Variants in CACNA1E observed in about 807,000 individuals in gnomAD.
CACNA1E encodes the protein calcium voltage-gated channel subunit alpha1 E, also known as voltage-dependent R-type calcium channel subunit alpha-1E.
A neutral mutation model predicts 259.2 loss-of-function variants in CACNA1E; 40 were observed. That is an observed-to-expected ratio of 0.15 (90% CI 0.12 to 0.20). CACNA1E has a LOEUF of 0.20. Among genes scored for constraint, CACNA1E ranks in the 10% least tolerant of loss-of-function variants. The probability of loss-of-function intolerance (pLI) is 1.00; values close to 1 mark genes in which losing one functional copy is unlikely to be tolerated. For missense variants in CACNA1E, 1,874 were observed against 3,040.1 expected, an observed-to-expected ratio of 0.62 and a Z score of 9.02; for synonymous variants, 1,104 against 1,138.5, an observed-to-expected ratio of 0.97 and a Z score of 0.61.
rs188054124 is a variant in CACNA1E, at chr1:181,600,651, G to C, written c.951+19875G>C. 1.6e-4 allele frequency among the ~76,000 whole-genome samples: 24 copies of C among 152,288 alleles called. No homozygotes were observed. In the East Asian group the frequency reaches 4.3e-3, roughly 27 times the overall value. On this transcript the variant is annotated intron_variant, in intron 6 of 47. Coordinates refer to ENST00000367573, the MANE Select transcript of CACNA1E (RefSeq NM_001205293.3). Reference sequence around the variant, plus strand: ...AATAGCGGTGCCATCTACCAAGATAGGGGAGCCGAGAGAAGGGGCAGGATG... The same window carrying C: ...AATAGCGGTGCCATCTACCAAGATACGGGAGCCGAGAGAAGGGGCAGGATG...
At chr1:181,718,251 A>C in intron 12 of CACNA1E, 84 bp downstream of exon 12, 2 of 674,616 alleles carry the variant, frequency 3.0e-6, no homozygotes, top group Admixed American at 2.4e-5. Flanking sequence ...CTTACTCAGC[A>C]TGAGGCACTG....
At chr1:181,580,472 C>T in intron 5 of CACNA1E, 123 bp from the exon 6 acceptor site, 1 of 890,668 alleles carries the variant, frequency 1.1e-6, no homozygotes, top group South Asian at 1.5e-5. Flanking sequence ...GAGCCTGAGA[C>T]AAAAAAGGGC....
chr1:181,358,029 G>C (rs1246295903), intron 1 of CACNA1E, among the ~76,000 whole-genome samples: 1 of 152,174 alleles, frequency 6.6e-6, no homozygotes, highest in South Asian at 2.1e-4. Context: ...TGGGAGGTTT[G>C]GTCCTCTTCT....
chr1:181,466,346 C>T (rs1662155121), intron 2 of CACNA1E, among the ~76,000 whole-genome samples: 1 of 151,312 alleles, frequency 6.6e-6, no homozygotes, highest in African/African-American at 2.4e-5. Context: ...AGTTTGAGAA[C>T]AGCCTGGCCA....
chr1:181,775,349 C>G (rs980839465), intron 37 of CACNA1E, among the ~76,000 whole-genome samples: 2 of 152,202 alleles, frequency 1.3e-5, no homozygotes, highest in African/African-American at 4.8e-5. Context: ...TGTTGAACAT[C>G]AAGTCCTGTC....
intron 3 of CACNA1E, among the ~76,000 whole-genome samples, chr1:181,530,084 G>A (rs912915012): frequency 1.3e-5 from 2 of 152,190 alleles, no homozygotes; most frequent in East Asian, 3.9e-4. Context: ...GGGACCCAGG[G>A]GGAGGTAACT....
chr1:181,730,282 G>T (rs1347248977), intron 18 of CACNA1E, among the ~76,000 whole-genome samples: 1 of 152,224 alleles, frequency 6.6e-6, no homozygotes, highest in Non-Finnish European at 1.5e-5. Context: ...GGCCCACTGG[G>T]CTGGACTGAG....
At chr1:181,713,767 A>G (rs1470036477) in intron 8 of CACNA1E, among the ~76,000 whole-genome samples, 1 of 152,164 alleles carries the variant, frequency 6.6e-6, no homozygotes, top group African/African-American at 2.4e-5. Context: ...TACTCCTCAT[A>G]GGGCATGCAG....
chr1:181,478,672 G>A (rs1187434142), upstream of CACNA1E, among the ~76,000 whole-genome samples: 2 of 152,228 alleles, frequency 1.3e-5, no homozygotes, highest in African/African-American at 4.8e-5. Flanking sequence ...CAGGCCTGGT[G>A]GGAGGGGCAC....
At chr1:181,755,818 T>C in intron 28 of CACNA1E, 138 bp from the exon 29 acceptor site, 1 of 904,246 alleles carries the variant, frequency 1.1e-6, no homozygotes, top group Non-Finnish European at 1.6e-6. Context: ...TACCTTCCTT[T>C]AATAGAATTC....
intron 2 of CACNA1E, among the ~76,000 whole-genome samples, chr1:181,475,490 G>A (rs1257135697): frequency 6.6e-6 from 1 of 152,146 alleles, no homozygotes; most frequent in Non-Finnish European, 1.5e-5. Flanking sequence ...CCTAGGAGTG[G>A]GAGAAGCAGA....
At chr1:181,754,266 C>T (rs1478776449) in intron 27 of CACNA1E, among the ~76,000 whole-genome samples, 1 of 152,054 alleles carries the variant, frequency 6.6e-6, no homozygotes, top group Non-Finnish European at 1.5e-5. Context: ...CTCTGCAGCT[C>T]CATAACCTGA....
At chr1:181,420,876 C>T (rs1658680234) in intron 2 of CACNA1E, among the ~76,000 whole-genome samples, 1 of 152,124 alleles carries the variant, frequency 6.6e-6, no homozygotes, top group Admixed American at 6.6e-5. Context: ...TTGTAATTGC[C>T]TGTTTACATG....
chr1:181,747,250 C>T (rs903525676), intron 25 of CACNA1E, among the ~76,000 whole-genome samples: 2 of 152,242 alleles, frequency 1.3e-5, no homozygotes, highest in African/African-American at 4.8e-5. Flanking sequence ...CCTGATGTCC[C>T]TGCTCTGCCC....
At chr1:181,384,758 T>C (rs1655718556) in intron 1 of CACNA1E, among the ~76,000 whole-genome samples, 1 of 152,138 alleles carries the variant, frequency 6.6e-6, no homozygotes, top group South Asian at 2.1e-4. Context: ...CATTCTGCCC[T>C]CTGATAGCAT....
intron 2 of CACNA1E, among the ~76,000 whole-genome samples, chr1:181,449,356 A>C (rs1661001729): frequency 6.6e-6 from 1 of 152,192 alleles, no homozygotes; most frequent in African/African-American, 2.4e-5. Context: ...GTGTGCTCAC[A>C]TACACACTTT....
chr1:181,498,948 G>C (rs595752), intron 1 of CACNA1E, among the ~76,000 whole-genome samples: 1 of 152,096 alleles, frequency 6.6e-6, no homozygotes, highest in East Asian at 1.9e-4. Flanking sequence ...AAGGACTTAC[G>C]TAAGAAAAAA....
chr1:181,373,554 T>C (rs1310703602), intron 1 of CACNA1E, among the ~76,000 whole-genome samples: 1 of 148,666 alleles, frequency 6.7e-6, no homozygotes, highest in African/African-American at 2.5e-5. Context: ...TTTTTTTTTT[T>C]TGAGACGGAG....
At chr1:181,704,215 G>C (rs1390712193) in intron 7 of CACNA1E, among the ~76,000 whole-genome samples, 1 of 152,110 alleles carries the variant, frequency 6.6e-6, no homozygotes, top group South Asian at 2.1e-4. Flanking sequence ...ATGACCTTCA[G>C]GAAGGTGTTT....
Sources: allele counts gnomAD v4.1 joint callset (sites outside exome capture counted in the v4.1 genomes callset), GRCh38; gene constraint gnomAD v4.1.1; transcripts MANE v1.5; gene names NCBI Gene and HGNC (gene_info 2026-07-23, HGNC 2026-07-21).